Variants in LDLRAD4 observed in about 807,000 individuals in gnomAD.
LDLRAD4 encodes low density lipoprotein receptor class A domain containing 4, also known as low-density lipoprotein receptor class A domain-containing protein 4.
Under a neutral mutation model 17.0 loss-of-function variants are expected in LDLRAD4, and 5 were observed. The ratio of observed to expected loss-of-function variants is 0.29; its 90% CI spans 0.15 to 0.62. The LOEUF is 0.62. Among genes scored for constraint, LDLRAD4 ranks in the 20% least tolerant of loss-of-function variants. The pLI, the probability that LDLRAD4 is intolerant of heterozygous loss-of-function variation, is 0.84. For synonymous variants in LDLRAD4, 168 were observed against 171.8 expected, an observed-to-expected ratio of 0.98 and a Z score of 0.17; for missense variants, 340 against 424.7, an observed-to-expected ratio of 0.80 and a Z score of 1.75.
At chr18:13,356,751 A>C (rs8099805) in intron 1 of LDLRAD4, among the ~76,000 whole-genome samples, 15,155 of 152,168 alleles carry the variant, frequency 0.1, 2,015 homozygotes, top group African/African-American at 0.3. Context: ...CCTGTCTTGA[A>C]ATTTATAATA....
chr18:13,463,598 G>T (rs914938698), intron 3 of LDLRAD4, among the ~76,000 whole-genome samples: 24 of 152,170 alleles, frequency 1.6e-4, no homozygotes, highest in Non-Finnish European at 3.4e-4. Flanking sequence ...ACATCATCTA[G>T]TGTTCACCTC....
At chr18:13,264,617 C>T (rs913721080) in intron 1 of LDLRAD4, among the ~76,000 whole-genome samples, 1 of 152,230 alleles carries the variant, frequency 6.6e-6, no homozygotes, top group Non-Finnish European at 1.5e-5. Context: ...TGCTTCCTTC[C>T]CATGTGGGAC....
At chr18:13,325,144 G>T (rs866760273) in intron 1 of LDLRAD4, among the ~76,000 whole-genome samples, 8 of 152,290 alleles carry the variant, frequency 5.3e-5, no homozygotes, top group African/African-American at 1.9e-4. Flanking sequence ...GGGGAGACAC[G>T]TGGCCTTCTA....
intron 3 of LDLRAD4, among the ~76,000 whole-genome samples, chr18:13,442,493 C>T (rs2091091100): frequency 6.6e-6 from 1 of 152,230 alleles, no homozygotes; most frequent in African/African-American, 2.4e-5. Flanking sequence ...GACAGAAGGA[C>T]ATGGCTGGGG....
chr18:13,359,515 G>GA (rs953835706), intron 1 of LDLRAD4, among the ~76,000 whole-genome samples: 18 of 147,034 alleles, frequency 1.2e-4, no homozygotes, highest in Middle Eastern at 3.5e-3. Flanking sequence ...AGACAACTTG[G>GA]AAAAAAAAAA....
chr18:13,501,445 G>A (rs151141426), intron 3 of LDLRAD4, among the ~76,000 whole-genome samples: 8 of 152,270 alleles, frequency 5.3e-5, no homozygotes, highest in African/African-American at 1.4e-4. Flanking sequence ...ACCTGCCGAC[G>A]GCTGCATGGC....
Position 13,407,038 on chromosome 18 carries a change from C to T in LDLRAD4, c.40+19276C>T, listed in dbSNP as rs145916992. ...GTGCGATAAACTTAGCACGGCGTGG[C>T]GGGCTGCAGGACGGAATAGTAAACA... On this transcript the variant is annotated intron_variant, in intron 2 of 5. Coordinates refer to ENST00000359446, the Ensembl canonical transcript of LDLRAD4. 3.9e-4 allele frequency among the ~76,000 whole-genome samples: 59 copies of T among 152,286 alleles called. No homozygotes were observed. The East Asian group carries it at 9.3e-3, about 24-fold the overall frequency.
rs372118716 is a variant in LDLRAD4 at position 13,447,053 on chromosome 18, C to A, written c.181+8669C>A. Among the ~76,000 whole-genome samples, 81 of 152,312 alleles carry A rather than the reference C, an allele frequency of 5.3e-4. No individual in the cohort carries two copies. In the East Asian group the frequency reaches 0.012, roughly 22 times the overall value. ...TTCCACAGACTTAATTCTGGCTGGC[C>A]TCCATCAAGGCCATGTTCAATGAAT... is the stretch of plus-strand genomic sequence containing the variant. On this transcript the variant is annotated intron_variant, in intron 3 of 5. Transcript: ENST00000359446.
chr18:13,461,741 C>A (rs118020270), intron 3 of LDLRAD4, among the ~76,000 whole-genome samples: 7,711 of 152,234 alleles, frequency 0.051, 252 homozygotes, highest in Non-Finnish European at 0.069. Flanking sequence ...AGCAAAGTTA[C>A]AAAGTTACAC....
intron 1 of LDLRAD4, among the ~76,000 whole-genome samples, chr18:13,234,419 T>G (rs1435257602): frequency 7.6e-6 from 1 of 132,190 alleles, no homozygotes; most frequent in Admixed American, 7.5e-5. Context: ...GACAATCGTC[T>G]TCTTGTCCCT....
At chr18:13,494,532 G>A (rs187270177) in intron 3 of LDLRAD4, among the ~76,000 whole-genome samples, 1 of 149,366 alleles carries the variant, frequency 6.7e-6, no homozygotes, top group Non-Finnish European at 1.5e-5. Flanking sequence ...ATACATTGAG[G>A]CTGGGCATGG....
rs1418874806 is a variant in LDLRAD4, at chr18:13,621,067, G to A, written c.182-50G>A. The A allele has an allele frequency of 1.2e-6, 2 of 1,613,302 alleles. No homozygotes were observed. Among genetic ancestry groups the A allele is most frequent in the East Asian group, 2.2e-5 (1 of 44,870 alleles). ...GGTGGTGACAGTGCCTGGAGAATGG[G>A]TGGGGACTGGAGGGGCCAGGTGGCT... On this transcript the variant is annotated intron_variant, in intron 3 of 5. Transcript: ENST00000359446. This position sits in a 1 kb window ranked among gnomAD's most constrained non-coding sequence, Gnocchi z 5.5.
intron 1 of LDLRAD4, among the ~76,000 whole-genome samples, chr18:13,283,848 C>A (rs1019110037): frequency 4.6e-5 from 7 of 152,186 alleles, no homozygotes; most frequent in African/African-American, 1.7e-4. Context: ...ATTGGACTTA[C>A]AGTTCCACAT....
intron 2 of LDLRAD4, among the ~76,000 whole-genome samples, chr18:13,436,649 C>T (rs2090676865): frequency 6.6e-6 from 1 of 151,988 alleles, no homozygotes. Flanking sequence ...TCCCTTTTTT[C>T]CATTAAGTTA....
At chr18:13,226,923 G>T (rs1469657267) in intron 1 of LDLRAD4, among the ~76,000 whole-genome samples, 3 of 152,188 alleles carry the variant, frequency 2.0e-5, no homozygotes, top group Middle Eastern at 3.4e-3. Flanking sequence ...GAGAATGAGG[G>T]CCAGGAGGGG....
At chr18:13,632,340 G>C (rs912134777) in intron 4 of LDLRAD4, among the ~76,000 whole-genome samples, 1 of 152,260 alleles carries the variant, frequency 6.6e-6, no homozygotes, top group African/African-American at 2.4e-5. Flanking sequence ...AGAATGGTGA[G>C]GGGTGTGTGA....
intron 1 of LDLRAD4, among the ~76,000 whole-genome samples, chr18:13,345,336 TA>T (rs1475929110): frequency 6.6e-6 from 1 of 152,248 alleles, no homozygotes; most frequent in Non-Finnish European, 1.5e-5. Context: ...TCTATTGAGA[TA>T]ATCATGTGGT....
At chr18:13,540,586 G>C (rs369023734) in intron 3 of LDLRAD4, among the ~76,000 whole-genome samples, 11 of 152,304 alleles carry the variant, frequency 7.2e-5, no homozygotes, top group African/African-American at 2.6e-4. Flanking sequence ...TTTTCAGAGA[G>C]TTCCGTGGGG....
Position 13,289,148 on chromosome 18 carries a change from G to A in LDLRAD4, c.-383+10960G>A, listed in dbSNP as rs1199417401. On this transcript the variant is annotated intron_variant, in intron 1 of 5. Coordinates refer to ENST00000359446, the Ensembl canonical transcript of LDLRAD4. Reference sequence around the variant, plus strand: ...TTTCCACATGGCTGTAAAGGTCCCAGCACTGGAGCTGTTTAGCAGTTGTTT... The same window carrying A: ...TTTCCACATGGCTGTAAAGGTCCCAACACTGGAGCTGTTTAGCAGTTGTTT... 3.3e-5 allele frequency among the ~76,000 whole-genome samples: 5 copies of A among 152,242 alleles called. No homozygotes were observed. In the East Asian group the frequency reaches 7.7e-4, roughly 23 times the overall value.
Sources: allele counts gnomAD v4.1 joint callset (sites outside exome capture counted in the v4.1 genomes callset), GRCh38; gene constraint gnomAD v4.1.1; non-coding constraint Gnocchi (gnomAD v3.1); transcripts MANE v1.5; gene names NCBI Gene and HGNC (gene_info 2026-07-23, HGNC 2026-07-21).